CCDC38: variants seen among roughly 807,000 people sequenced by gnomAD.
CCDC38 encodes the protein coiled-coil domain-containing protein 38.
Under a neutral mutation model 72.8 loss-of-function variants are expected in CCDC38, and 69 were observed. That is an observed-to-expected ratio of 0.95 (90% CI 0.78 to 1.16). The LOEUF (loss-of-function observed/expected upper bound fraction) is 1.16, where lower values mean the gene tolerates loss of function less well. Among genes scored for constraint, CCDC38 ranks in the 50% most tolerant of loss-of-function variants. CCDC38 has a pLI of 0.00. For missense variants in CCDC38, 626 were observed against 638.9 expected (o/e 0.98, Z 0.22); for synonymous variants, 201 against 213.2 (o/e 0.94, Z 0.50).
rs80001945 is a variant in CCDC38, at chr12:95,879,776, T to C, written c.1010A>G (p.Lys337Arg). ...DVDLEPALYF[K>R]EPEELLQVLR... ...GACTTGAAGTAACTCCTCTGGTTCC[T>C]TGAAATAAAGTGCTGGCTCCTAATT... is the stretch of plus-strand genomic sequence containing the variant. Residue 337 changes from lysine to arginine, a missense_variant, in exon 12 of 16, where the codon AAG (lysine) becomes AGG (arginine). Transcript: ENST00000344280. The surrounding 1 kb of genome is among the most constrained non-coding windows in gnomAD (Gnocchi z 5.5). 2 of 1,607,314 alleles carry C rather than the reference T, an allele frequency of 1.2e-6. No individual in the cohort carries two copies. Among genetic ancestry groups the C allele is most frequent in the South Asian group, 1.1e-5 (1 of 90,146 alleles).
intron 7 of CCDC38, among the ~76,000 whole-genome samples, chr12:95,896,886 C>T (rs12370107): frequency 0.16 from 23,985 of 152,144 alleles, 1,989 homozygotes; most frequent in Non-Finnish European, 0.17. Context: ...GGGCTCAACT[C>T]GGCGGCTATT....
chr12:95,868,464 T>TA (rs2079547022), intron 15 of CCDC38, among the ~76,000 whole-genome samples: 1 of 152,162 alleles, frequency 6.6e-6, no homozygotes, highest in Non-Finnish European at 1.5e-5. Flanking sequence ...ACTAGATAAA[T>TA]ACCTTTTTTA....
chr12:95,895,999 T>C (rs2079883855), intron 7 of CCDC38, among the ~76,000 whole-genome samples: 1 of 139,960 alleles, frequency 7.1e-6, no homozygotes, highest in Non-Finnish European at 1.5e-5. Context: ...GAGGTTGCAG[T>C]GAGCTGAGAT....
chr12:95,932,424 G>T (rs2136741106), intron 2 of CCDC38, among the ~76,000 whole-genome samples: 1 of 151,570 alleles, frequency 6.6e-6, no homozygotes, highest in East Asian at 1.9e-4. Flanking sequence ...GTTGTTTCTG[G>T]ACTTGATTTT....
intron 1 of CCDC38, among the ~76,000 whole-genome samples, chr12:95,938,113 A>T (rs1204281870): frequency 6.6e-6 from 1 of 152,256 alleles, no homozygotes; most frequent in Admixed American, 6.5e-5. Context: ...ACAAATATTT[A>T]AAAAATTATG....
rs1406212465 is a variant in CCDC38, at chr12:95,939,635, G to A, written c.-15+2796C>T. Among the ~76,000 whole-genome samples, 8 of 152,316 alleles carry A rather than the reference G, an allele frequency of 5.3e-5. No homozygotes were observed. In the East Asian group the frequency reaches 1.5e-3, roughly 29 times the overall value. On this transcript the variant is annotated intron_variant, in intron 1 of 15. Transcript: ENST00000344280. Reference sequence around the variant, plus strand: ...AGTTGCCATAAATGGAGACAGAGAAGGCAGTGGGGGAAGGGGCACTTGGGA... The same window carrying A: ...AGTTGCCATAAATGGAGACAGAGAAAGCAGTGGGGGAAGGGGCACTTGGGA...
chr12:95,882,945 T>C (rs2079717629), intron 10 of CCDC38, among the ~76,000 whole-genome samples: 1 of 152,222 alleles, frequency 6.6e-6, no homozygotes, highest in African/African-American at 2.4e-5. Flanking sequence ...CTGCTCCTCT[T>C]ACTGGGTTCC....
chr12:95,905,219 T>C (rs1161767038), intron 5 of CCDC38, among the ~76,000 whole-genome samples: 1 of 152,214 alleles, frequency 6.6e-6, no homozygotes, highest in East Asian at 1.9e-4. Context: ...ATCTGCAGTT[T>C]GTTAAATTCT....
intron 2 of CCDC38, among the ~76,000 whole-genome samples, chr12:95,929,290 T>G (rs2080310176): frequency 6.6e-6 from 1 of 152,036 alleles, no homozygotes; most frequent in South Asian, 2.1e-4. Context: ...CGGGTGGGAG[T>G]GACCCGATTT....
chr12:95,921,026 G>A (rs74477722), intron 2 of CCDC38, among the ~76,000 whole-genome samples: 11 of 152,012 alleles, frequency 7.2e-5, no homozygotes, highest in African/African-American at 2.7e-4. Flanking sequence ...TCCTTGGGAG[G>A]CTAAGTCAGG....
Position 95,867,159 on chromosome 12 carries a change from G to T in CCDC38, c.1609C>A (p.Pro537Thr), listed in dbSNP as rs142074919. ...LGRRLVFHSKPPSGNKQQLPL... is the reference protein window; with the variant it reads ...LGRRLVFHSKTPSGNKQQLPL... ...AGCTGCTGTTTGTTACCAGATGGAG[G>T]TTTTGAATGAAAGACAAGTCGTCTT... The change falls in exon 16 of 16, where the codon CCT becomes ACT. Residue 537 changes from proline (P) to threonine (T), a missense_variant. Transcript: ENST00000344280. The T allele has an allele frequency of 2.6e-5, 41 of 1,606,268 alleles. No individual in the cohort carries two copies. The African/African-American group carries it at 4.9e-4, about 19-fold the overall frequency.
At chr12:95,881,081 G>T (rs1037991796) in intron 11 of CCDC38, among the ~76,000 whole-genome samples, 1 of 151,876 alleles carries the variant, frequency 6.6e-6, no homozygotes, top group Non-Finnish European at 1.5e-5. Flanking sequence ...GTTGCATTTC[G>T]GGTGGGGTTA....
At position 95,915,568 on chromosome 12, in the gene CCDC38, G is replaced by A. The variant is rs189060783; in HGVS notation, c.304+1561C>T. Among the ~76,000 whole-genome samples, 345 of 152,264 alleles carry A rather than the reference G, an allele frequency of 2.3e-3. 1 individual carries two copies. Among genetic ancestry groups the A allele is most frequent in the African/African-American group, 7.9e-3 (330 of 41,548 alleles). On this transcript the variant is annotated intron_variant, in intron 4 of 15. Transcript: ENST00000344280. ...AATTAAAGTCACCTAACCTCCCAGC[G>A]TGTGGTTGCTTGCTCATTTTGCTTT...
intron 2 of CCDC38, among the ~76,000 whole-genome samples, chr12:95,935,789 C>T (rs2080386798): frequency 6.6e-6 from 1 of 152,074 alleles, no homozygotes; most frequent in African/African-American, 2.4e-5. Flanking sequence ...CATAAATAAG[C>T]AGAAGGAGGC....
chr12:95,918,804 G>C, intron 3 of CCDC38, 72 bp downstream of exon 3: 1 of 1,044,532 alleles, frequency 9.6e-7, no homozygotes, highest in Non-Finnish European at 1.5e-6. Flanking sequence ...GCCCAGCAAA[G>C]TTCATAAGAG....
chr12:95,869,290 T>C (rs926805045), intron 15 of CCDC38, among the ~76,000 whole-genome samples, 190 bp downstream of exon 15: 1 of 152,186 alleles, frequency 6.6e-6, no homozygotes. Flanking sequence ...GTGTGTCTAA[T>C]TGAGAACTGG....
intron 7 of CCDC38, among the ~76,000 whole-genome samples, chr12:95,896,055 C>CAAAAA (rs1169899419): frequency 8.2e-5 from 6 of 73,014 alleles, no homozygotes; most frequent in Admixed American, 1.6e-4. Flanking sequence ...GACTCTGTCT[C>CAAAAA]AAAAAAAAAA....
intron 10 of CCDC38, among the ~76,000 whole-genome samples, chr12:95,883,953 GT>G (rs1391098237): frequency 1.4e-4 from 22 of 152,270 alleles, no homozygotes; most frequent in African/African-American, 5.3e-4. Context: ...ACTTGATAGA[GT>G]ATGCACATCT....
In CCDC38 at chr12:95,916,722, T is replaced by A. The variant is rs536629370; in HGVS notation, c.304+407A>T. Among the ~76,000 whole-genome samples the A allele has an allele frequency of 3.2e-3, 494 of 152,296 alleles. 1 individual carries two copies. The highest frequency in any genetic ancestry group is 5.4e-3 in the Non-Finnish European group (368 of 68,020). ...ATTTGCAACATTAGGTAAGCTCATT[T>A]AATTTTATTAGCTTCCTCATTCTGG... is the stretch of plus-strand genomic sequence containing the variant. On this transcript the variant is annotated intron_variant, in intron 4 of 15. Coordinates refer to ENST00000344280, the MANE Select transcript of CCDC38 (RefSeq NM_182496.3).
Sources: allele counts gnomAD v4.1 joint callset (sites outside exome capture counted in the v4.1 genomes callset), GRCh38; gene constraint gnomAD v4.1.1; non-coding constraint Gnocchi (gnomAD v3.1); transcripts MANE v1.5; gene names NCBI Gene and HGNC (gene_info 2026-07-23, HGNC 2026-07-21).